The following RYR2 variants were observed in gnomAD, a reference collection of about 807,000 sequenced individuals.
RYR2 encodes cardiac muscle ryanodine receptor-calcium release channel.
In RYR2, 227 loss-of-function variants were observed where a neutral mutation model predicts 601.1. The observed-to-expected ratio is 0.38, with a 90% CI of 0.34 to 0.42. The LOEUF (loss-of-function observed/expected upper bound fraction) is 0.42. Among genes scored for constraint, RYR2 ranks in the 10% least tolerant of loss-of-function variants. The probability of loss-of-function intolerance (pLI) is 1.00; values close to 1 mark genes in which losing one functional copy is unlikely to be tolerated. For synonymous variants in RYR2, 2,223 were observed against 2,175.1 expected (o/e 1.02, Z -0.61); for missense variants, 4,646 against 6,156.5 (o/e 0.75, Z 8.21).
In RYR2 at chr1:237,548,566, G is replaced by T; in HGVS notation, c.3042G>T (p.Gln1014His). The T allele has an allele frequency of 6.2e-7, 1 of 1,613,962 alleles. No individual in the cohort carries two copies. The highest frequency in any genetic ancestry group is 8.5e-7 in the Non-Finnish European group (1 of 1,179,878). The change falls in exon 26 of 105, where the codon CAG becomes CAT. Residue 1014 changes from glutamine to histidine, a missense_variant. Gln to His is a conservative substitution (Grantham distance 24). This residue lies in a region of RYR2 where 1,807 missense variants were observed against 2,088.1 expected (regional missense o/e 0.87). Transcript: ENST00000366574. ...TGTGGGCGCGGGATCGAATCCGGCA[G>T]GGCTGGACTTATGGCATCCAACAGG... ...HNVWARDRIR[Q>H]GWTYGIQQDV...
At chr1:237,213,915 CTTTTTTTTTT>C (rs71180008) in intron 1 of RYR2, among the ~76,000 whole-genome samples, 2 of 65,484 alleles carry the variant, frequency 3.1e-5, no homozygotes, top group African/African-American at 1.1e-4. Flanking sequence ...TTTTCTTTTT[CTTTTTTTTTT>C]TTTTTTTTTT....
chr1:237,435,390 T>G (rs1707241610), intron 12 of RYR2, among the ~76,000 whole-genome samples: 1 of 152,180 alleles, frequency 6.6e-6, no homozygotes, highest in Non-Finnish European at 1.5e-5. Context: ...CCCTCTTTAG[T>G]AAGAAAACTA....
In RYR2 at chr1:237,602,069, T is replaced by G. The variant is rs1676561693; in HGVS notation, c.4641T>G (p.Ala1547=). Residue 1547 remains alanine, a synonymous_variant, in exon 35 of 105, where the codon GCT becomes GCG. Coordinates refer to ENST00000366574, the MANE Select transcript of RYR2 (RefSeq NM_001035.3). Reference sequence around the variant, plus strand: ...TATTTCCTGCGGTTTTTGCACAAGCTACAAGTCCCAATGTTTTCCAGTTTG... The same window carrying G: ...TATTTCCTGCGGTTTTTGCACAAGCGACAAGTCCCAATGTTTTCCAGTTTG... The part of the protein sequence containing the change: ...TKLFPAVFAQ[A]TSPNVFQFEL... 5 of 1,613,098 alleles carry G rather than the reference T, an allele frequency of 3.1e-6. No individual in the cohort carries two copies. Among genetic ancestry groups the G allele is most frequent in the Non-Finnish European group, 4.2e-6 (5 of 1,179,488 alleles).
rs1687848144 is a variant in RYR2, at chr1:237,700,232, A to G, written c.9132A>G (p.Thr3044=). 3 of 1,545,788 alleles carry G rather than the reference A, an allele frequency of 1.9e-6. No homozygotes were observed. Among genetic ancestry groups the G allele is most frequent in the Non-Finnish European group, 1.8e-6 (2 of 1,136,920 alleles). The change falls in exon 65 of 105, where the codon ACA becomes ACG. Residue 3044 remains threonine, a synonymous_variant. Transcript: ENST00000366574. ...HILGQTLDAR[T]VMKTGLESVK... is the part of the protein sequence containing the mutation. ...TCCTCCCTTATTTACTTTCTAGGACAGTGATGAAGACTGGCCTGGAGAGTG... is the reference window on the plus strand; with the variant it reads ...TCCTCCCTTATTTACTTTCTAGGACGGTGATGAAGACTGGCCTGGAGAGTG...
chr1:237,770,122 G>A (rs1284084531), intron 84 of RYR2, among the ~76,000 whole-genome samples: 1 of 152,070 alleles, frequency 6.6e-6, no homozygotes, highest in Middle Eastern at 3.2e-3. Flanking sequence ...CTCACAACAC[G>A]AGCCACCAAA....
chr1:237,430,034 CTATCTTTCCAGATCAATATA>C (rs1706630155), intron 12 of RYR2, among the ~76,000 whole-genome samples: 1 of 150,920 alleles, frequency 6.6e-6, no homozygotes, highest in Non-Finnish European at 1.5e-5. Flanking sequence ...TTTTTCATGG[CTATCTTTCCAGATCAATATA>C]TATCAATATA....
At chr1:237,825,527 A>C (rs1035920460) in intron 101 of RYR2, among the ~76,000 whole-genome samples, 2 of 152,230 alleles carry the variant, frequency 1.3e-5, no homozygotes, top group Non-Finnish European at 2.9e-5. Context: ...AGATCGATTA[A>C]AGACTTAAAC....
At chr1:237,808,818 G>T (rs1302356495) in intron 99 of RYR2, 83 bp from the exon 100 acceptor site, 2 of 1,341,264 alleles carry the variant, frequency 1.5e-6, no homozygotes, top group African/African-American at 2.9e-5. Context: ...TCTCACTAGA[G>T]CACTCGCCGC....
chr1:237,261,095 G>A (rs1252894997), intron 1 of RYR2, among the ~76,000 whole-genome samples: 1 of 152,172 alleles, frequency 6.6e-6, no homozygotes, highest in African/African-American at 2.4e-5. Context: ...AAGCAATGAT[G>A]GGATAAATGA....
At chr1:237,609,135 C>G (rs1056085573) in intron 35 of RYR2, among the ~76,000 whole-genome samples, 1 of 130,010 alleles carries the variant, frequency 7.7e-6, no homozygotes, top group African/African-American at 2.6e-5. Context: ...CTCACTACAA[C>G]CTCTCTCTCT....
At position 237,718,511 on chromosome 1, in the gene RYR2, T is replaced by C; in HGVS notation, c.10544T>C (p.Leu3515Ser). 2 of 1,594,494 alleles carry C rather than the reference T, an allele frequency of 1.3e-6. No homozygotes were observed. The highest frequency in any genetic ancestry group is 1.7e-4 in the Middle Eastern group (1 of 6,020). ...GATATAATCCGCAGCAATATTCATT[T>C]ACAAGGCAAGGTAAGCCAAATTTTA... ...VRDIIRSNIH[L>S]QGKLEDPAIR... The change falls in exon 73 of 105, where the codon TTA (leucine) becomes TCA (serine). Residue 3515 changes from leucine to serine, a missense_variant. Physicochemically the swap from Leu to Ser is moderately radical, Grantham distance 145. Coordinates refer to ENST00000366574, the MANE Select transcript of RYR2 (RefSeq NM_001035.3).
intron 9 of RYR2, 94 bp downstream of exon 9, chr1:237,387,474 C>A (rs1233156100): frequency 1.8e-6 from 2 of 1,119,662 alleles, no homozygotes; most frequent in African/African-American, 1.5e-5. Flanking sequence ...TTAATTAGAG[C>A]TTTTTGTCTG....
rs763766154 is a variant in RYR2 at position 237,589,999 on chromosome 1, G to C, written c.3805G>C (p.Glu1269Gln). The change falls in exon 30 of 105, where the codon GAG becomes CAG. Residue 1269 changes from glutamate to glutamine, a missense_variant and splice_region_variant. Glu to Gln is a conservative substitution (Grantham distance 29). Transcript: ENST00000366574. ...LQVPSNHEHI[E>Q]VTRIDGTIDS... ...AGTTCCATCAAACCATGAACATATAGAGGTTTGCTTTTTCTTTAAAAATCA... is the reference window on the plus strand; with the variant it reads ...AGTTCCATCAAACCATGAACATATACAGGTTTGCTTTTTCTTTAAAAATCA... 1.9e-6 allele frequency: 3 copies of C among 1,610,296 alleles called. No homozygotes were observed. Among genetic ancestry groups the C allele is most frequent in the Admixed American group, 3.4e-5 (2 of 59,582 alleles).
chr1:237,649,934 G>A lies in RYR2; in HGVS notation c.7570G>A (p.Val2524Ile), dbSNP rs934248102. Residue 2524 changes from valine to isoleucine, a missense_variant, in exon 50 of 105, where the codon GTC (valine) becomes ATC (isoleucine). By Grantham distance (29) the Val-to-Ile change is conservative (BLOSUM62 3). Transcript: ENST00000366574. ...CCTCAATCGGTACCTTTGCACAGCC[G>A]TCTTGCCATTGTTAACAAGATGTGC... Reference protein sequence around the residue: ...LALNRYLCTAVLPLLTRCAPL... With the variant: ...LALNRYLCTAILPLLTRCAPL... 2.9e-5 allele frequency: 46 copies of A among 1,613,764 alleles called. No homozygotes were observed. The highest frequency in any genetic ancestry group is 5.0e-5 in the Admixed American group (3 of 59,994).
intron 14 of RYR2, among the ~76,000 whole-genome samples, chr1:237,453,727 G>A (rs1404728034): frequency 6.6e-6 from 1 of 152,068 alleles, no homozygotes. Flanking sequence ...TACATTCAAA[G>A]CTATGAGTTT....
intron 1 of RYR2, among the ~76,000 whole-genome samples, chr1:237,151,423 T>C (rs2148815688): frequency 6.6e-6 from 1 of 152,336 alleles, no homozygotes; most frequent in African/African-American, 2.4e-5. Context: ...CAACATGTTC[T>C]TTGAATGGTT....
intron 1 of RYR2, among the ~76,000 whole-genome samples, chr1:237,155,716 A>AT (rs1675255333): frequency 6.6e-6 from 1 of 152,270 alleles, no homozygotes; most frequent in East Asian, 1.9e-4. Flanking sequence ...ATATGCAGTT[A>AT]TATATCTCAT....
intron 1 of RYR2, among the ~76,000 whole-genome samples, chr1:237,227,703 C>T (rs567588997): frequency 7.9e-5 from 12 of 152,224 alleles, no homozygotes; most frequent in African/African-American, 1.2e-4. Flanking sequence ...TGGGTGTGAG[C>T]GTGCCCTGTG....
intron 2 of RYR2, among the ~76,000 whole-genome samples, chr1:237,308,386 T>G (rs918560171): frequency 6.6e-6 from 1 of 152,198 alleles, no homozygotes; most frequent in Non-Finnish European, 1.5e-5. Flanking sequence ...CTTTCACCAC[T>G]GTACGTTCTT....
Sources: allele counts gnomAD v4.1 joint callset (sites outside exome capture counted in the v4.1 genomes callset), GRCh38; gene constraint gnomAD v4.1.1; regional missense constraint gnomAD v4.1.1; transcripts MANE v1.5; gene names NCBI Gene and HGNC (gene_info 2026-07-23, HGNC 2026-07-21).